PRAMEF20: variants seen among roughly 807,000 people sequenced by gnomAD.
PRAMEF20 encodes PRAME family member 20/21.
PRAMEF20 carries 27 observed loss-of-function variants against 32.4 expected under a neutral mutation model. That is an observed-to-expected ratio of 0.83 (90% CI 0.61 to 1.15). The LOEUF (loss-of-function observed/expected upper bound fraction) is 1.15. Among genes scored for constraint, PRAMEF20 ranks in the 50% most tolerant of loss-of-function variants. The pLI, the probability that PRAMEF20 is intolerant of heterozygous loss-of-function variation, is 0.00. For missense variants in PRAMEF20, 604 were observed against 584.5 expected (o/e 1.03, Z -0.34); for synonymous variants, 256 against 235.4 (o/e 1.09, Z -0.80).
chr1:13,416,703 G>C, intron 1 of PRAMEF20, 62 bp downstream of exon 2: 1 of 1,612,664 alleles, frequency 6.2e-7, no homozygotes, highest in Non-Finnish European at 8.5e-7. Flanking sequence ...GAACAGCTGG[G>C]TCATGAGGAG....
chr1:13,410,895 T>A, the PRAMEF20 span, among the ~76,000 whole-genome samples: 5 of 152,052 alleles, frequency 3.3e-5, no homozygotes, highest in African/African-American at 1.2e-4. Flanking sequence ...TCTTGCTCTG[T>A]TGGCCAGGCT....
Position 13,418,407 on chromosome 1 carries a change from C to T in PRAMEF20, c.573C>T (p.Leu191=), listed in dbSNP as rs1220312544. ...AGAAGCTGAAAATGTTGGGAATGCT[C>T]TTCCACAATATCAGAAACATCCTGA... Residue 191 remains leucine (L), a synonymous_variant, in exon 2 of 3, where the codon CTC becomes CTT. Coordinates refer to ENST00000602960, the Ensembl canonical transcript of PRAMEF20. 1.1e-5 allele frequency: 17 copies of T among 1,613,900 alleles called. No homozygotes were observed. In the South Asian group the frequency reaches 1.8e-4, roughly 17 times the overall value.
exon 3 of PRAMEF20, chr1:13,420,818 A>C (rs2100439691): frequency 6.2e-7 from 1 of 1,613,944 alleles, no homozygotes; most frequent in Non-Finnish European, 8.5e-7. Flanking sequence ...CCTGAGTGGC[A>C]CCAGACTGGC....
At chr1:13,413,580 G>A (rs1394186058), upstream of PRAMEF20, among the ~76,000 whole-genome samples, 10 of 152,032 alleles carry the variant, frequency 6.6e-5, no homozygotes, top group Admixed American at 6.6e-4. Flanking sequence ...GGCCAAGCTG[G>A]TCTCAAACTC....
At chr1:13,415,717 G>C (rs1236651175), upstream of PRAMEF20, among the ~76,000 whole-genome samples, 1 of 149,686 alleles carries the variant, frequency 6.7e-6, no homozygotes, top group African/African-American at 2.4e-5. Context: ...CTGAGCCTGG[G>C]AGGTCCAGGC....
exon 3 of PRAMEF20, chr1:13,421,267 C>T: frequency 6.2e-7 from 1 of 1,613,766 alleles, no homozygotes; most frequent in South Asian, 1.1e-5. Flanking sequence ...GAATGCCTGC[C>T]TATTTGGGTG....
chr1:13,418,740 G>A, intron 2 of PRAMEF20, 40 bp downstream of exon 3: 1 of 1,611,464 alleles, frequency 6.2e-7, no homozygotes, highest in Non-Finnish European at 8.5e-7. Context: ...GACCACAGCA[G>A]AGCCTTTCTT....
chr1:13,410,927 G>T, the PRAMEF20 span, among the ~76,000 whole-genome samples: 21 of 151,574 alleles, frequency 1.4e-4, no homozygotes, highest in African/African-American at 2.4e-5. Context: ...GCATGATCTC[G>T]GCCCACTGCA....
In PRAMEF20 at chr1:13,418,416, T is replaced by C. The variant is rs893450465; in HGVS notation, c.582T>C (p.Asn194=). ...AAATGTTGGGAATGCTCTTCCACAA[T>C]ATCAGAAACATCCTGAAAACAGTCA... Residue 194 remains asparagine (N), a synonymous_variant, in exon 2 of 3, where the codon AAT becomes AAC. Transcript: ENST00000602960. 17 of 1,613,770 alleles carry C rather than the reference T, an allele frequency of 1.1e-5. 1 individual carries two copies. The highest frequency in any genetic ancestry group is 3.3e-5 in the South Asian group (3 of 91,070).
chr1:13,419,501 C>T (rs894287662), intron 2 of PRAMEF20, among the ~76,000 whole-genome samples: 2 of 151,676 alleles, frequency 1.3e-5, no homozygotes, highest in African/African-American at 4.8e-5. Flanking sequence ...TGCTCTGTCT[C>T]GCTTTATTGC....
chr1:13,417,795 G>A (rs1641194390), intron 1 of PRAMEF20, among the ~76,000 whole-genome samples: 1 of 144,982 alleles, frequency 6.9e-6, no homozygotes, highest in Middle Eastern at 3.7e-3. Context: ...GGGCTAGAGT[G>A]CAGTGGCGCG....
the PRAMEF20 span, among the ~76,000 whole-genome samples, chr1:13,411,345 G>A: frequency 1.4e-5 from 2 of 145,948 alleles, no homozygotes; most frequent in Admixed American, 7.1e-5. Context: ...CCCCCCCACC[G>A]CCAAAATATA....
chr1:13,412,841 T>C (rs1199242528), upstream of PRAMEF20, among the ~76,000 whole-genome samples: 1 of 151,848 alleles, frequency 6.6e-6, no homozygotes, highest in South Asian at 2.1e-4. Flanking sequence ...TGAGAATCCA[T>C]TGAACCTGGG....
exon 3 of PRAMEF20, chr1:13,420,863 G>A: frequency 6.2e-7 from 1 of 1,613,896 alleles, no homozygotes; most frequent in Non-Finnish European, 8.5e-7. Context: ...AGTTCTCCTA[G>A]AAAAAGTTGC....
chr1:13,421,183 G>GT lies in PRAMEF20; in HGVS notation c.1355dup (p.Cys453LeufsTer46). ...CCTTAAGGGAGCCCGAGAGGATCTT[G>GT]TTCTGTACCGACTACTGCCCTCAGT... On this transcript the variant is annotated frameshift_variant, in exon 3 of 3. Coordinates refer to ENST00000602960, the Ensembl canonical transcript of PRAMEF20. LOFTEE classifies it high-confidence loss of function. The GT allele has an allele frequency of 1.9e-6, 3 of 1,613,936 alleles. No homozygotes were observed. Among genetic ancestry groups the GT allele is most frequent in the Non-Finnish European group, 2.5e-6 (3 of 1,179,866 alleles).
chr1:13,420,048 A>G (rs71183798), intron 2 of PRAMEF20, among the ~76,000 whole-genome samples: 10,385 of 152,134 alleles, frequency 0.068, 403 homozygotes, highest in African/African-American at 0.089. Flanking sequence ...ATGTTGCAGG[A>G]TCCTGCCTGG....
chr1:13,410,927 G>A, the PRAMEF20 span, among the ~76,000 whole-genome samples: 2 of 151,586 alleles, frequency 1.3e-5, no homozygotes, highest in African/African-American at 4.8e-5. Flanking sequence ...GCATGATCTC[G>A]GCCCACTGCA....
chr1:13,418,818 A>C lies in PRAMEF20; in HGVS notation c.866+118A>C, dbSNP rs1641212589. ...ACAGTAAAGGGGACACTAGAATGTC[A>C]GTGCATTTTCCTGTTGGAAGTGGGT... On this transcript the variant is annotated intron_variant, in intron 2 of 2. Transcript: ENST00000602960. The C allele has an allele frequency of 6.4e-6, 10 of 1,555,438 alleles. No homozygotes were observed. In the South Asian group the frequency reaches 8.2e-5, roughly 13 times the overall value.
At chr1:13,416,242 T>C, upstream of PRAMEF20, 1 of 1,582,576 alleles carries the variant, frequency 6.3e-7, no homozygotes. Context: ...TCTTTCACCA[T>C]TGCCAGAGCA....
Sources: allele counts gnomAD v4.1 joint callset (sites outside exome capture counted in the v4.1 genomes callset), GRCh38; gene constraint gnomAD v4.1.1; transcripts MANE v1.5; gene names NCBI Gene and HGNC (gene_info 2026-07-23, HGNC 2026-07-21).